SYN3: variants seen among roughly 807,000 people sequenced by gnomAD.
SYN3 encodes the protein synapsin III.
Under a neutral mutation model 65.8 loss-of-function variants are expected in SYN3, and 35 were observed. The observed-to-expected ratio is 0.53, with a 90% CI of 0.41 to 0.70. The LOEUF (loss-of-function observed/expected upper bound fraction) is 0.70. SYN3 is among the 30% of genes least tolerant of loss of function. The pLI is 0.00. For synonymous variants in SYN3, 270 were observed against 292.9 expected (o/e 0.92, Z 0.80); for missense variants, 680 against 749.0 (o/e 0.91, Z 1.08).
intron 6 of SYN3, chr22:32,858,228 TCGG>T: frequency 6.4e-7 from 1 of 1,570,630 alleles, no homozygotes; most frequent in Non-Finnish European, 8.7e-7. Context: ...TGCCAGGCCC[TCGG>T]CTGGGAAGGG....
At chr22:32,966,515 T>C (rs1307639474) in intron 3 of SYN3, among the ~76,000 whole-genome samples, 3 of 152,094 alleles carry the variant, frequency 2.0e-5, no homozygotes, top group Non-Finnish European at 2.9e-5. Context: ...AAAACAAGTC[T>C]AATGCACAGG....
intron 8 of SYN3, among the ~76,000 whole-genome samples, chr22:32,540,634 A>C (rs1322274630): frequency 6.6e-6 from 1 of 152,164 alleles, no homozygotes; most frequent in African/African-American, 2.4e-5. Flanking sequence ...GCCCCATGTA[A>C]TCCGTGCTTT....
intron 3 of SYN3, among the ~76,000 whole-genome samples, chr22:32,956,154 C>T (rs1458212382): frequency 1.5e-5 from 2 of 131,558 alleles, no homozygotes; most frequent in African/African-American, 5.8e-5. Flanking sequence ...CCAGCCCCTA[C>T]TAACTTTTTT....
intron 2 of SYN3, among the ~76,000 whole-genome samples, chr22:32,990,902 T>C (rs566126750): frequency 2.7e-5 from 4 of 150,758 alleles, no homozygotes; most frequent in Non-Finnish European, 5.9e-5. Context: ...GCAAAAAAAA[T>C]TGGCTGGGCG....
At chr22:33,005,184 TTCTTC>T (rs1162514559) in intron 2 of SYN3, among the ~76,000 whole-genome samples, 1 of 152,196 alleles carries the variant, frequency 6.6e-6, no homozygotes, top group Non-Finnish European at 1.5e-5. Flanking sequence ...TCTCGGGCAG[TTCTTC>T]AGGCAGTGTG....
chr22:32,613,255 A>G (rs2097339), intron 6 of SYN3, among the ~76,000 whole-genome samples: 97,123 of 151,744 alleles, frequency 0.64, 32,934 homozygotes, highest in African/African-American at 0.87. Flanking sequence ...TCTTTATAAC[A>G]ATGTGAGAAT....
At chr22:32,906,992 G>A (rs1285786934) in intron 4 of SYN3, among the ~76,000 whole-genome samples, 1 of 152,132 alleles carries the variant, frequency 6.6e-6, no homozygotes, top group East Asian at 1.9e-4. Context: ...CTTTATAATA[G>A]AATGATTTAT....
chr22:32,606,285 G>A (rs895789347), intron 6 of SYN3, among the ~76,000 whole-genome samples: 1 of 152,182 alleles, frequency 6.6e-6, no homozygotes, highest in Non-Finnish European at 1.5e-5. Context: ...CAGAAATGGG[G>A]CAGCCCGGAA....
At chr22:32,576,086 C>T (rs375537485) in intron 7 of SYN3, among the ~76,000 whole-genome samples, 23 of 152,002 alleles carry the variant, frequency 1.5e-4, no homozygotes, top group Admixed American at 9.8e-4. Flanking sequence ...ATTAGGAAGC[C>T]GGAAATAAAA....
At chr22:32,867,212 A>G (rs2048710414) in intron 5 of SYN3, among the ~76,000 whole-genome samples, 1 of 152,216 alleles carries the variant, frequency 6.6e-6, no homozygotes, top group African/African-American at 2.4e-5. Context: ...AGCACTTTCT[A>G]CATACCCCAA....
At chr22:32,758,705 T>TATATATATATATATATACATATATATATA (rs1277216646) in intron 6 of SYN3, among the ~76,000 whole-genome samples, 1 of 109,694 alleles carries the variant, frequency 9.1e-6, no homozygotes, top group South Asian at 3.0e-4. Context: ...TATATATGTC[T>TATATATATATATATATACATATATATATA]TATTAGTTCT....
At chr22:32,789,755 C>CA (rs2046277117) in intron 6 of SYN3, among the ~76,000 whole-genome samples, 1 of 152,126 alleles carries the variant, frequency 6.6e-6, no homozygotes, top group South Asian at 2.1e-4. Context: ...AGAGGAAATT[C>CA]AATTAGCCCT....
chr22:32,934,966 T>A (rs565849815), intron 3 of SYN3, among the ~76,000 whole-genome samples: 1 of 152,258 alleles, frequency 6.6e-6, no homozygotes, highest in African/African-American at 2.4e-5. Flanking sequence ...TGAGAGTCAC[T>A]AGAAGCTGGA....
At chr22:32,544,017 C>A (rs115848530) in intron 7 of SYN3, among the ~76,000 whole-genome samples, 2,063 of 152,294 alleles carry the variant, frequency 0.014, 45 homozygotes, top group African/African-American at 0.047. Context: ...TGGCTCACTG[C>A]AGCCTTGACT....
chr22:32,820,281 TGTGTGTG>T lies in SYN3; in HGVS notation c.711+44627_711+44633del, dbSNP rs1480234846. Among the ~76,000 whole-genome samples the T allele has an allele frequency of 7.3e-5, 11 of 150,868 alleles. 1 individual carries two copies. In the East Asian group the frequency reaches 2.0e-3, roughly 27 times the overall value. On this transcript the variant is annotated intron_variant, in intron 6 of 13. Transcript: ENST00000358763. ...GTGTGTGCGTGCGCGTGTGTGTGTGTGTGTGTGGTGTGTGTGGTGTGTGTTCTACTCC... is the reference window on the plus strand; with the variant it reads ...GTGTGTGCGTGCGCGTGTGTGTGTGTGTGTGTGTGGTGTGTGTTCTACTCC...
At chr22:32,628,997 C>A (rs958754199) in intron 6 of SYN3, among the ~76,000 whole-genome samples, 1 of 152,132 alleles carries the variant, frequency 6.6e-6, no homozygotes, top group African/African-American at 2.4e-5. Flanking sequence ...AGAATTGCTC[C>A]GCCTGATAGA....
At chr22:32,771,019 A>G (rs2145773746) in intron 6 of SYN3, among the ~76,000 whole-genome samples, 1 of 152,132 alleles carries the variant, frequency 6.6e-6, no homozygotes, top group Non-Finnish European at 1.5e-5. Context: ...TTTAAGCCCC[A>G]CATGCATTAG....
intron 6 of SYN3, among the ~76,000 whole-genome samples, chr22:32,689,660 G>C (rs1012946257): frequency 2.0e-5 from 3 of 152,186 alleles, no homozygotes; most frequent in Admixed American, 6.5e-5. Context: ...ATAGTGAGGA[G>C]ACTAGAGCCC....
intron 6 of SYN3, among the ~76,000 whole-genome samples, chr22:32,797,699 G>T (rs1602170734): frequency 1.3e-5 from 2 of 152,272 alleles, no homozygotes; most frequent in South Asian, 4.1e-4. Flanking sequence ...CTTGGGGGAG[G>T]TAGCAATATA....
Sources: gnomAD v4.1 joint callset for allele counts (sites outside exome capture counted in the v4.1 genomes callset) on GRCh38, gnomAD v4.1.1 for gene constraint, MANE v1.5 for transcripts, NCBI Gene and HGNC (gene_info 2026-07-23, HGNC 2026-07-21) for gene names.